SIPA1L1: variants seen among roughly 807,000 people sequenced by gnomAD.
SIPA1L1 encodes the protein signal-induced proliferation-associated 1-like protein 1.
A neutral mutation model predicts 162.7 loss-of-function variants in SIPA1L1; 26 were observed. The ratio of observed to expected loss-of-function variants is 0.16; its 90% CI spans 0.12 to 0.22. The LOEUF is 0.22. Among genes scored for constraint, SIPA1L1 ranks in the 10% least tolerant of loss-of-function variants. The probability of loss-of-function intolerance (pLI) is 1.00; values close to 1 mark genes in which losing one functional copy is unlikely to be tolerated. For missense variants in SIPA1L1, 1,874 were observed against 2,241.0 expected (o/e 0.84, Z 3.31); for synonymous variants, 829 against 837.4 (o/e 0.99, Z 0.17).
intron 7 of SIPA1L1, among the ~76,000 whole-genome samples, chr14:71,644,259 G>T (rs1028178111): frequency 1.3e-5 from 2 of 151,928 alleles, no homozygotes; most frequent in Non-Finnish European, 2.9e-5. Context: ...TTGAGACAGG[G>T]TTGCACTCTA....
chr14:71,612,567 G>C (rs2038352672), intron 5 of SIPA1L1, among the ~76,000 whole-genome samples: 1 of 152,068 alleles, frequency 6.6e-6, no homozygotes, highest in South Asian at 2.1e-4. Context: ...TTATGCTATA[G>C]ATGTCCTCAG....
intron 2 of SIPA1L1, among the ~76,000 whole-genome samples, chr14:71,495,008 A>G (rs1173973856): frequency 6.6e-6 from 1 of 152,200 alleles, no homozygotes; most frequent in Non-Finnish European, 1.5e-5. Flanking sequence ...CTGGAATTAC[A>G]GGTGGGAGCC....
At chr14:71,679,056 C>G (rs924644210) in intron 12 of SIPA1L1, among the ~76,000 whole-genome samples, 3 of 151,954 alleles carry the variant, frequency 2.0e-5, no homozygotes, top group Non-Finnish European at 4.4e-5. Flanking sequence ...GCAAGGCAGG[C>G]CAACATTCAT....
At chr14:71,722,697 C>T (rs937402112) in intron 17 of SIPA1L1, among the ~76,000 whole-genome samples, 1 of 152,174 alleles carries the variant, frequency 6.6e-6, no homozygotes, top group African/African-American at 2.4e-5. Flanking sequence ...CTTGAAACCC[C>T]AGAGTTTTGG....
At chr14:71,726,221 T>G (rs1314855566) in intron 19 of SIPA1L1, among the ~76,000 whole-genome samples, 1 of 152,260 alleles carries the variant, frequency 6.6e-6, no homozygotes, top group African/African-American at 2.4e-5. Flanking sequence ...ATTTCTGTAA[T>G]TTCCGTCTCA....
chr14:71,699,190 C>G (rs546273871), intron 14 of SIPA1L1, 63 bp downstream of exon 14: 58 of 1,483,756 alleles, frequency 3.9e-5, no homozygotes, highest in Non-Finnish European at 5.3e-5. Context: ...CATCTGTACT[C>G]AGACATGTAA....
intron 2 of SIPA1L1, among the ~76,000 whole-genome samples, chr14:71,331,179 T>G (rs1354561640): frequency 6.6e-6 from 1 of 152,230 alleles, no homozygotes; most frequent in East Asian, 1.9e-4. Flanking sequence ...TTGAGTGGTC[T>G]TGGCACCCTT....
rs747653677 is a variant in SIPA1L1, at chr14:71,709,434, A to T, written c.3978A>T (p.Thr1326=). Residue 1326 remains threonine (T), a synonymous_variant, in exon 17 of 24, where the codon ACA becomes ACT. Coordinates refer to ENST00000381232, the MANE Select transcript of SIPA1L1 (RefSeq NM_001386936.1). ...HGSTASLGAA[T]SSPRSGPGKE... is the part of the protein sequence containing the mutation. ...GCACAGCCTCGCTGGGGGCTGCCACATCGTCACCTCGCTCAGGGCCAGGCA... is the reference window on the plus strand; with the variant it reads ...GCACAGCCTCGCTGGGGGCTGCCACTTCGTCACCTCGCTCAGGGCCAGGCA... The T allele has an allele frequency of 1.9e-6, 3 of 1,614,222 alleles. No homozygotes were observed. Among genetic ancestry groups the T allele is most frequent in the Non-Finnish European group, 1.7e-6 (2 of 1,180,026 alleles).
rs139571030 is a variant in SIPA1L1, at chr14:71,375,076, A to G, written c.-465+53895A>G. On this transcript the variant is annotated intron_variant, in intron 2 of 23. Coordinates refer to ENST00000381232, the MANE Select transcript of SIPA1L1 (RefSeq NM_001386936.1). The stretch of plus-strand genomic sequence containing the variant: ...ATTCTTATAGAACTATAACAACTCA[A>G]AGGGTAAAGCAGATTAGAGAATTCT... Among the ~76,000 whole-genome samples the G allele has an allele frequency of 8.5e-5, 13 of 152,300 alleles. No homozygotes were observed. The East Asian group carries it at 2.5e-3, about 29-fold the overall frequency.
rs2083373191 is a variant in SIPA1L1, at chr14:71,717,648, G to A, written c.4209-5999G>A. 2.0e-5 allele frequency among the ~76,000 whole-genome samples: 3 copies of A among 152,146 alleles called. No homozygotes were observed. In the South Asian group the frequency reaches 6.2e-4, roughly 32 times the overall value. On this transcript the variant is annotated intron_variant, in intron 17 of 23. Coordinates refer to ENST00000381232, the MANE Select transcript of SIPA1L1 (RefSeq NM_001386936.1). Reference sequence around the variant, plus strand: ...AGCTCCCCTTAAAAATTATGAAGCTGATAGCTTCATGGTAGTTGTATTGTA... The same window carrying A: ...AGCTCCCCTTAAAAATTATGAAGCTAATAGCTTCATGGTAGTTGTATTGTA...
At chr14:71,620,715 C>T (rs1041335995) in intron 6 of SIPA1L1, among the ~76,000 whole-genome samples, 1 of 152,150 alleles carries the variant, frequency 6.6e-6, no homozygotes, top group African/African-American at 2.4e-5. Flanking sequence ...TGTCTCCTAC[C>T]TATCTGTCCT....
intron 2 of SIPA1L1, among the ~76,000 whole-genome samples, chr14:71,502,038 CAAA>C (rs958205271): frequency 1.1e-5 from 1 of 87,272 alleles, no homozygotes; most frequent in African/African-American, 4.2e-5. Flanking sequence ...ACCCTGTTTC[CAAA>C]AAAAAAAAAA....
intron 15 of SIPA1L1, 25 bp downstream of exon 15, chr14:71,702,530 G>A (rs2082164638): frequency 1.2e-6 from 2 of 1,610,364 alleles, no homozygotes; most frequent in East Asian, 2.2e-5. Context: ...TCTACAAGAA[G>A]AAAGTTGCTT....
chr14:71,383,277 C>T (rs1392531859), intron 2 of SIPA1L1, among the ~76,000 whole-genome samples: 1 of 152,074 alleles, frequency 6.6e-6, no homozygotes. Flanking sequence ...AACTCTTAAC[C>T]CACACTGGTC....
chr14:71,524,320 A>C (rs1460190186), intron 3 of SIPA1L1, among the ~76,000 whole-genome samples: 1 of 152,106 alleles, frequency 6.6e-6, no homozygotes, highest in Non-Finnish European at 1.5e-5. Context: ...CAGGGTGGTC[A>C]TGTGGTTATG....
chr14:71,557,533 G>C (rs891163956), intron 4 of SIPA1L1, among the ~76,000 whole-genome samples: 2 of 152,142 alleles, frequency 1.3e-5, no homozygotes, highest in Non-Finnish European at 2.9e-5. Flanking sequence ...TTAACTTTTG[G>C]CTTTGATGTG....
intron 12 of SIPA1L1, among the ~76,000 whole-genome samples, chr14:71,679,013 C>G (rs1254149184): frequency 6.6e-6 from 1 of 152,140 alleles, no homozygotes; most frequent in Non-Finnish European, 1.5e-5. Context: ...AAACACTCTT[C>G]AGGATATTAT....
intron 4 of SIPA1L1, among the ~76,000 whole-genome samples, chr14:71,575,771 T>G (rs2147136343): frequency 1.3e-5 from 2 of 152,344 alleles, no homozygotes; most frequent in Middle Eastern, 6.8e-3. Flanking sequence ...TTTAATAGAT[T>G]TGCTCCTTTT....
intron 5 of SIPA1L1, among the ~76,000 whole-genome samples, chr14:71,601,515 G>A (rs1162341473): frequency 1.3e-5 from 2 of 152,056 alleles, no homozygotes; most frequent in Non-Finnish European, 2.9e-5. Flanking sequence ...GAACATTTTT[G>A]CATGTATGTT....
Sources: allele counts gnomAD v4.1 joint callset (sites outside exome capture counted in the v4.1 genomes callset), GRCh38; gene constraint gnomAD v4.1.1; transcripts MANE v1.5; gene names NCBI Gene and HGNC (gene_info 2026-07-23, HGNC 2026-07-21).